AKAP3: variants seen among roughly 807,000 people sequenced by gnomAD.
AKAP3 encodes the protein A-kinase anchoring protein 3.
A neutral mutation model predicts 57.2 loss-of-function variants in AKAP3; 27 were observed. That is an observed-to-expected ratio of 0.47 (90% CI 0.35 to 0.65). The LOEUF (loss-of-function observed/expected upper bound fraction) is 0.65, where lower values mean the gene tolerates loss of function less well. AKAP3 is among the 30% of genes least tolerant of loss of function. The pLI is 0.01. For missense variants in AKAP3, 959 were observed against 1,040.0 expected (o/e 0.92, Z 1.07); for synonymous variants, 334 against 392.3 (o/e 0.85, Z 1.76).
chr12:4,647,492 G>A (rs1945713362), intron 1 of AKAP3, among the ~76,000 whole-genome samples: 5 of 151,120 alleles, frequency 3.3e-5, no homozygotes, highest in Admixed American at 3.3e-4. Context: ...GGGCAATACA[G>A]TAAGACCCCA....
intron 4 of AKAP3, among the ~76,000 whole-genome samples, chr12:4,634,330 G>C (rs1945537944): frequency 6.6e-6 from 1 of 152,124 alleles, no homozygotes; most frequent in Non-Finnish European, 1.5e-5. Flanking sequence ...CTGTCAAAAG[G>C]GGAGAGAGAA....
rs575454580 is a variant in AKAP3, at chr12:4,632,930, A to G, written c.97-4125T>C. ...GCTGGGATTACAGGCGTGAGCCACC[A>G]TGCCCGGCCCCCTTTGCCCACTTTT... On this transcript the variant is annotated intron_variant, in intron 4 of 5. Coordinates refer to ENST00000228850, the MANE Select transcript of AKAP3 (RefSeq NM_001278309.2). Among the ~76,000 whole-genome samples the G allele has an allele frequency of 2.6e-5, 4 of 152,258 alleles. No homozygotes were observed. In the South Asian group the frequency reaches 8.3e-4, roughly 32 times the overall value.
chr12:4,622,411 A>AAG (rs1945357694), intron 5 of AKAP3, among the ~76,000 whole-genome samples: 1 of 152,228 alleles, frequency 6.6e-6, no homozygotes, highest in Non-Finnish European at 1.5e-5. Context: ...CCAAAACAGC[A>AAG]TGGTACTGGT....
chr12:4,634,745 A>AC (rs1945543079), intron 4 of AKAP3, among the ~76,000 whole-genome samples: 2 of 64,950 alleles, frequency 3.1e-5, no homozygotes, highest in African/African-American at 7.4e-5. Context: ...ATTAAAAAAA[A>AC]ACACACACAC....
rs761284232 is a variant in AKAP3, at chr12:4,628,122, G to T, written c.780C>A (p.Phe260Leu). The T allele has an allele frequency of 2.1e-5, 34 of 1,614,054 alleles. No individual in the cohort carries two copies. In the South Asian group the frequency reaches 3.4e-4, roughly 16 times the overall value. Reference sequence around the variant, plus strand: ...GAAACCTCTTTCTCTCCCGAGGAAAGAACCTTCCACCCTCTCTGGCATAAT... The same window carrying T: ...GAAACCTCTTTCTCTCCCGAGGAAATAACCTTCCACCCTCTCTGGCATAAT... ...NGDYAREGGRFFPRERKRFRG... is the reference protein window; with the variant it reads ...NGDYAREGGRLFPRERKRFRG... The change falls in exon 5 of 6, where the codon TTC becomes TTA. Residue 260 changes from phenylalanine (F) to leucine (L), a missense_variant. Physicochemically the swap from Phe to Leu is conservative, Grantham distance 22. Coordinates refer to ENST00000228850, the MANE Select transcript of AKAP3 (RefSeq NM_001278309.2).
rs1945281315 is a variant in AKAP3, at chr12:4,616,033, T to A, written c.2407-139A>T. ...AGACTTTAAAGTTTGCTGGCCTGTTTAACAGAAGGAGGTTGGTGACTTCAT... is the reference window on the plus strand; with the variant it reads ...AGACTTTAAAGTTTGCTGGCCTGTTAAACAGAAGGAGGTTGGTGACTTCAT... On this transcript the variant is annotated intron_variant, in intron 5 of 5. Transcript: ENST00000228850. The A allele has an allele frequency of 2.2e-5, 22 of 1,005,682 alleles. No individual in the cohort carries two copies. The South Asian group carries it at 3.6e-4, about 16-fold the overall frequency. The allele number at this position is 1,005,682 out of a possible 1,614,324, so 62.3% of individuals were successfully genotyped here.
intron 4 of AKAP3, among the ~76,000 whole-genome samples, chr12:4,632,480 G>A (rs1210515820): frequency 6.6e-6 from 1 of 152,100 alleles, no homozygotes; most frequent in African/African-American, 2.4e-5. Context: ...AATATTAATG[G>A]TTGAGACTAT....
In AKAP3 at chr12:4,615,643, T is replaced by G; in HGVS notation, c.*96A>C. The G allele has an allele frequency of 7.0e-7, 1 of 1,424,434 alleles. No individual in the cohort carries two copies. The highest frequency in any genetic ancestry group is 9.6e-7 in the Non-Finnish European group (1 of 1,041,488). The allele number at this position is 1,424,434 out of a possible 1,614,324, so 88.2% of individuals were successfully genotyped here. The stretch of plus-strand genomic sequence containing the variant: ...GTGTGAAGATAATGTTAGGGCTCTG[T>G]GAGGATATAGAGGGGGAGATGTGGA... On this transcript the variant is annotated 3_prime_UTR_variant, in exon 6 of 6. Transcript: ENST00000228850.
intron 3 of AKAP3, among the ~76,000 whole-genome samples, chr12:4,640,963 T>G (rs899555466): frequency 6.6e-6 from 1 of 152,074 alleles, no homozygotes; most frequent in Non-Finnish European, 1.5e-5. Flanking sequence ...GACCAGGGCT[T>G]ATCTGGACAG....
chr12:4,626,798 C>G lies in AKAP3; in HGVS notation c.2104G>C (p.Asp702His), dbSNP rs369327293. The G allele has an allele frequency of 3.1e-6, 5 of 1,614,062 alleles. No homozygotes were observed. The highest frequency in any genetic ancestry group is 4.2e-6 in the Non-Finnish European group (5 of 1,180,032). The change falls in exon 5 of 6, where the codon GAT becomes CAT. Residue 702 changes from aspartate to histidine, a missense_variant. Transcript: ENST00000228850. ...LAELGDDKSG[D>H]ASRLTSAFPD... is the part of the protein sequence containing the mutation. Reference sequence around the variant, plus strand: ...AAGGCCGAAGTTAGCCTACTGGCATCTCCAGACTTGTCATCTCCCAGCTCT... The same window carrying G: ...AAGGCCGAAGTTAGCCTACTGGCATGTCCAGACTTGTCATCTCCCAGCTCT...
At position 4,648,977 on chromosome 12, in the gene AKAP3, A is replaced by G. The variant is rs1333156631; in HGVS notation, c.-477T>C. The stretch of plus-strand genomic sequence containing the variant: ...ACTTCCTTTCTTCCCCCTCTCCTTC[A>G]CTTTCCCAGCTTTCTTCTTAACCAA... On this transcript the variant is annotated 5_prime_UTR_variant, in exon 1 of 6. Coordinates refer to ENST00000228850, the MANE Select transcript of AKAP3 (RefSeq NM_001278309.2). 2.4e-6 allele frequency: 2 copies of G among 845,794 alleles called. No homozygotes were observed. The highest frequency in any genetic ancestry group is 5.4e-5 in the East Asian group (2 of 37,318). The allele number at this position is 845,794 out of a possible 1,614,324, so 52.4% of individuals were successfully genotyped here.
intron 5 of AKAP3, among the ~76,000 whole-genome samples, chr12:4,619,838 A>C (rs1945325557): frequency 6.6e-6 from 1 of 152,226 alleles, no homozygotes; most frequent in Non-Finnish European, 1.5e-5. Flanking sequence ...CAATAAAAAG[A>C]AATAAACTAC....
Position 4,627,676 on chromosome 12 carries a change from A to C in AKAP3, c.1226T>G (p.Met409Arg), listed in dbSNP as rs746285603. The change falls in exon 5 of 6, where the codon ATG becomes AGG. Residue 409 changes from methionine (M) to arginine (R), a missense_variant. Coordinates refer to ENST00000228850, the MANE Select transcript of AKAP3 (RefSeq NM_001278309.2). ...DKAESYSLIS[M>R]KGMGDPKNRN... is the part of the protein sequence containing the mutation. ...GTTTTTAGGATCACCCATTCCTTTCATGGAGATGAGGGAATAACTCTCAGC... is the reference window on the plus strand; with the variant it reads ...GTTTTTAGGATCACCCATTCCTTTCCTGGAGATGAGGGAATAACTCTCAGC... The C allele has an allele frequency of 2.5e-6, 4 of 1,613,914 alleles. No homozygotes were observed. The highest frequency in any genetic ancestry group is 2.5e-6 in the Non-Finnish European group (3 of 1,180,028).
intron 5 of AKAP3, among the ~76,000 whole-genome samples, chr12:4,617,751 CAAA>C (rs3083727): frequency 1.7e-5 from 2 of 118,438 alleles, no homozygotes; most frequent in Non-Finnish European, 3.5e-5. Flanking sequence ...GATTCTGTCT[CAAA>C]AAAAAAAAAA....
rs1403393162 is a variant in AKAP3 at position 4,627,217 on chromosome 12, T to C, written c.1685A>G (p.Asn562Ser). The C allele has an allele frequency of 1.9e-6, 3 of 1,614,142 alleles. No individual in the cohort carries two copies. Among genetic ancestry groups the C allele is most frequent in the Non-Finnish European group, 2.5e-6 (3 of 1,180,026 alleles). ...EAAGTTNFPANEPPVAPDESC... is the reference protein window; with the variant it reads ...EAAGTTNFPASEPPVAPDESC... ...TTCATCGGGAGCTACAGGAGGTTCA[T>C]TGGCAGGAAAGTTGGTGGTGCCAGC... is the stretch of plus-strand genomic sequence containing the variant. The change falls in exon 5 of 6, where the codon AAT becomes AGT. Residue 562 changes from asparagine to serine, a missense_variant. Coordinates refer to ENST00000228850, the MANE Select transcript of AKAP3 (RefSeq NM_001278309.2).
In AKAP3 at chr12:4,628,568, T is replaced by C. The variant is rs1945457351; in HGVS notation, c.334A>G (p.Arg112Gly). Residue 112 changes from arginine to glycine, a missense_variant, in exon 5 of 6, where the codon AGG becomes GGG. Transcript: ENST00000228850. Reference protein sequence around the residue: ...THKEIPCQGPRAQLGNGSSVD... With the variant: ...THKEIPCQGPGAQLGNGSSVD... The stretch of plus-strand genomic sequence containing the variant: ...GAACTCCCGTTGCCAAGTTGGGCCC[T>C]GGGGCCCTGGCAAGGAATCTCTTTG... 1.2e-6 allele frequency: 2 copies of C among 1,612,782 alleles called. No individual in the cohort carries two copies. The highest frequency in any genetic ancestry group is 1.7e-6 in the Non-Finnish European group (2 of 1,178,864).
intron 4 of AKAP3, among the ~76,000 whole-genome samples, chr12:4,637,160 G>A (rs1045794102): frequency 3.9e-5 from 6 of 152,222 alleles, no homozygotes; most frequent in African/African-American, 1.4e-4. Flanking sequence ...CTGACAGTCA[G>A]GACAGTGTCT....
At chr12:4,629,307 T>C (rs556133717) in intron 4 of AKAP3, among the ~76,000 whole-genome samples, 1 of 152,354 alleles carries the variant, frequency 6.6e-6, no homozygotes, top group African/African-American at 2.4e-5. Context: ...CTGCATAGTA[T>C]TCCATGGTGT....
At position 4,645,043 on chromosome 12, in the gene AKAP3, A is replaced by G. The variant is rs947336525; in HGVS notation, c.-107+12T>C. The G allele has an allele frequency of 7.2e-5, 11 of 152,356 alleles. No homozygotes were observed. In the South Asian group the frequency reaches 2.3e-3, roughly 32 times the overall value. The allele number at this position is 152,356 out of a possible 1,614,324, so 9.4% of individuals were successfully genotyped here. On this transcript the variant is annotated intron_variant, in intron 2 of 5. Transcript: ENST00000228850. Reference sequence around the variant, plus strand: ...AAATGGGCTGTTTTATCAGTCCAGTAAGATTACCTACCTCTGTAGTACTGG... The same window carrying G: ...AAATGGGCTGTTTTATCAGTCCAGTGAGATTACCTACCTCTGTAGTACTGG...
Sources: gnomAD v4.1 joint callset for allele counts (sites outside exome capture counted in the v4.1 genomes callset) on GRCh38, gnomAD v4.1.1 for gene constraint, MANE v1.5 for transcripts, NCBI Gene and HGNC (gene_info 2026-07-23, HGNC 2026-07-21) for gene names.